The following ADAMTS14 variants were observed in gnomAD, a reference collection of about 807,000 sequenced individuals.
The protein encoded by ADAMTS14 is A disintegrin and metalloproteinase with thrombospondin motifs 14.
A neutral mutation model predicts 128.6 loss-of-function variants in ADAMTS14; 100 were observed. That is an observed-to-expected ratio of 0.78 (90% CI 0.66 to 0.92). ADAMTS14 has a LOEUF of 0.92. Among genes scored for constraint, ADAMTS14 ranks in the 40% least tolerant of loss-of-function variants. The probability of loss-of-function intolerance (pLI) is 0.00; values close to 1 mark genes in which losing one functional copy is unlikely to be tolerated. For synonymous variants in ADAMTS14, 665 were observed against 653.8 expected, an observed-to-expected ratio of 1.02 and a Z score of -0.26; for missense variants, 1,562 against 1,658.6, an observed-to-expected ratio of 0.94 and a Z score of 1.01.
At chr10:70,727,791 G>A (rs1284670719) in intron 4 of ADAMTS14, among the ~76,000 whole-genome samples, 2 of 152,228 alleles carry the variant, frequency 1.3e-5, no homozygotes, top group African/African-American at 4.8e-5. Context: ...TGTTGCCCAG[G>A]CTGGTTTCAA....
chr10:70,710,259 G>C (rs563270234), intron 4 of ADAMTS14, among the ~76,000 whole-genome samples: 1 of 152,350 alleles, frequency 6.6e-6, no homozygotes, highest in African/African-American at 2.4e-5. Context: ...TCTGCAAGGT[G>C]ACCAGGTTAA....
intron 19 of ADAMTS14, among the ~76,000 whole-genome samples, chr10:70,755,717 C>A (rs1376983065): frequency 1.3e-5 from 2 of 152,060 alleles, no homozygotes; most frequent in Non-Finnish European, 2.9e-5. Flanking sequence ...TGGTGGCTGG[C>A]GTATGCCTGT....
At chr10:70,720,316 C>T (rs79333865) in intron 4 of ADAMTS14, among the ~76,000 whole-genome samples, 14,180 of 152,220 alleles carry the variant, frequency 0.093, 786 homozygotes, top group East Asian at 0.19. Context: ...AGAAAGAAGT[C>T]GGGAGACTCA....
intron 3 of ADAMTS14, among the ~76,000 whole-genome samples, chr10:70,705,154 A>T (rs1282617628): frequency 6.6e-6 from 1 of 152,200 alleles, no homozygotes; most frequent in Non-Finnish European, 1.5e-5. Context: ...TGAGAAATTG[A>T]ACCGTTCAGA....
At chr10:70,738,061 G>A (rs1048597292) in intron 10 of ADAMTS14, among the ~76,000 whole-genome samples, 1 of 147,506 alleles carries the variant, frequency 6.8e-6, no homozygotes, top group Non-Finnish European at 1.5e-5. Context: ...TTGGTCTGGG[G>A]TGAAGATCAG....
chr10:70,716,436 G>A (rs574971590), intron 4 of ADAMTS14, among the ~76,000 whole-genome samples: 1 of 152,340 alleles, frequency 6.6e-6, no homozygotes, highest in South Asian at 2.1e-4. Flanking sequence ...TACATGGGCG[G>A]TGTGGGGTTC....
rs572378546 is a variant in ADAMTS14, at chr10:70,756,721, G to T, written c.2938-1241G>T. Among the ~76,000 whole-genome samples, 9 of 152,322 alleles carry T rather than the reference G, an allele frequency of 5.9e-5. No homozygotes were observed. In the South Asian group the frequency reaches 1.9e-3, roughly 32 times the overall value. ...GAAAACTAGCCGTGGAGTCACAGCA[G>T]GTTGTTTCAGCAGCTGCTAGGTAAA... On this transcript the variant is annotated intron_variant, in intron 19 of 21. Transcript: ENST00000373207.
intron 3 of ADAMTS14, 38 bp downstream of exon 3, chr10:70,702,506 C>T (rs1423082312): frequency 1.3e-6 from 2 of 1,566,146 alleles, no homozygotes; most frequent in African/African-American, 1.4e-5. Context: ...TGCTTCTCTC[C>T]CTACCTCTGG....
rs184080151 is a variant in ADAMTS14 at position 70,696,941 on chromosome 10, A to C, written c.523-5371A>C. ...TGATCCTTGTGTGTATCACCCCAGC[A>C]TCCAGTTGCTGGGTTTTCTTTTGTT... On this transcript the variant is annotated intron_variant, in intron 2 of 21. Coordinates refer to ENST00000373207, the MANE Select transcript of ADAMTS14 (RefSeq NM_080722.4). Among the ~76,000 whole-genome samples the C allele has an allele frequency of 2.4e-4, 37 of 152,250 alleles. No homozygotes were observed. The East Asian group carries it at 7.1e-3, about 29-fold the overall frequency.
intron 2 of ADAMTS14, among the ~76,000 whole-genome samples, chr10:70,675,887 C>G (rs1404112527): frequency 6.6e-6 from 1 of 152,166 alleles, no homozygotes; most frequent in African/African-American, 2.4e-5. Flanking sequence ...AAGAAGGGGC[C>G]CGCTTGCTCC....
intron 2 of ADAMTS14, among the ~76,000 whole-genome samples, chr10:70,688,636 T>C (rs1234094358): frequency 1.9e-5 from 2 of 106,952 alleles, no homozygotes; most frequent in African/African-American, 3.3e-5. Context: ...GAGGCCGAGG[T>C]TGGCGGATCA....
intron 19 of ADAMTS14, among the ~76,000 whole-genome samples, 189 bp downstream of exon 19, chr10:70,754,196 T>TC (rs1391544043): frequency 1.3e-5 from 2 of 152,260 alleles, no homozygotes; most frequent in Non-Finnish European, 1.5e-5. Context: ...TTAGGTTCAT[T>TC]CATTCCTGCC....
At chr10:70,722,940 A>G (rs890751232) in intron 4 of ADAMTS14, among the ~76,000 whole-genome samples, 4 of 152,230 alleles carry the variant, frequency 2.6e-5, no homozygotes, top group Non-Finnish European at 5.9e-5. Flanking sequence ...GTGGCCACAC[A>G]TAGTGACTTT....
intron 2 of ADAMTS14, among the ~76,000 whole-genome samples, chr10:70,688,013 C>T (rs1418997432): frequency 3.3e-5 from 2 of 60,688 alleles, no homozygotes; most frequent in African/African-American, 6.5e-5. Context: ...CGGGCGGAGA[C>T]GCTCCTCACT....
rs148767810 is a variant in ADAMTS14 at position 70,749,811 on chromosome 10, C to A, written c.2264-11C>A. 22,706 of 1,613,270 alleles carry A rather than the reference C, an allele frequency of 0.014. 204 individuals are homozygous for A. Among genetic ancestry groups the A allele is most frequent in the Middle Eastern group, 0.027 (166 of 6,054 alleles). ...CAGAAATCTGTGTGACCCTCTCCCCCCACCGGTCAGTGGTGAAGAACCAGG... is the reference window on the plus strand; with the variant it reads ...CAGAAATCTGTGTGACCCTCTCCCCACACCGGTCAGTGGTGAAGAACCAGG... On this transcript the variant is annotated splice_polypyrimidine_tract_variant and intron_variant, in intron 15 of 21. Transcript: ENST00000373207.
At position 70,734,011 on chromosome 10, in the gene ADAMTS14, G is replaced by A. The variant is rs1216982426; in HGVS notation, c.1335G>A (p.Glu445=). The A allele has an allele frequency of 1.2e-6, 2 of 1,613,252 alleles. No homozygotes were observed. Among genetic ancestry groups the A allele is most frequent in the South Asian group, 2.2e-5 (2 of 91,056 alleles). ...ATTGGTCCCGCTGCAGCAAGCTGGA[G>A]CTCAGCCGCTACCTCCCGTAGGTCA... ...RFHWSRCSKL[E]LSRYLPSYDC... Residue 445 remains glutamate, a synonymous_variant, in exon 8 of 22, where the codon GAG becomes GAA. Coordinates refer to ENST00000373207, the MANE Select transcript of ADAMTS14 (RefSeq NM_080722.4).
chr10:70,745,639 A>G (rs1228687498), intron 15 of ADAMTS14, among the ~76,000 whole-genome samples: 3 of 152,200 alleles, frequency 2.0e-5, no homozygotes, highest in African/African-American at 7.2e-5. Context: ...ATGTTCACAG[A>G]GTGTATCAGT....
At chr10:70,706,662 G>T (rs991565386) in intron 3 of ADAMTS14, among the ~76,000 whole-genome samples, 1 of 152,232 alleles carries the variant, frequency 6.6e-6, no homozygotes, top group Non-Finnish European at 1.5e-5. Context: ...TCACCAGGCT[G>T]TGTGTCCACC....
Position 70,757,926 on chromosome 10 carries a change from C to T in ADAMTS14, c.2938-36C>T, listed in dbSNP as rs184972491. On this transcript the variant is annotated intron_variant, in intron 19 of 21. Coordinates refer to ENST00000373207, the MANE Select transcript of ADAMTS14 (RefSeq NM_080722.4). ...TTCTTCTCTCCACCTACCCTGACCCCGGCCGCTATGCCTGGCACTGACCCA... is the reference window on the plus strand; with the variant it reads ...TTCTTCTCTCCACCTACCCTGACCCTGGCCGCTATGCCTGGCACTGACCCA... 19 of 1,560,390 alleles carry T rather than the reference C, an allele frequency of 1.2e-5. 1 individual carries two copies. Among genetic ancestry groups the T allele is most frequent in the Admixed American group, 5.6e-5 (3 of 53,804 alleles).
Sources: gnomAD v4.1 joint callset for allele counts (sites outside exome capture counted in the v4.1 genomes callset) on GRCh38, gnomAD v4.1.1 for gene constraint, MANE v1.5 for transcripts, NCBI Gene and HGNC (gene_info 2026-07-23, HGNC 2026-07-21) for gene names.